The following AVEN variants were observed in gnomAD, a reference collection of about 807,000 sequenced individuals.
AVEN encodes cell death regulator Aven.
AVEN carries 41 observed loss-of-function variants against 38.1 expected under a neutral mutation model. That is an observed-to-expected ratio of 1.08 (90% CI 0.84 to 1.40). AVEN has a LOEUF of 1.40. Among genes scored for constraint, AVEN ranks in the 40% most tolerant of loss-of-function variants. AVEN has a pLI of 0.00. For missense variants in AVEN, 605 were observed against 438.8 expected (o/e 1.38, Z -3.38); for synonymous variants, 206 against 171.8 (o/e 1.20, Z -1.56).
At chr15:34,041,399 CA>C (rs1237547172), upstream of AVEN, among the ~76,000 whole-genome samples, 1 of 152,138 alleles carries the variant, frequency 6.6e-6, no homozygotes. Flanking sequence ...CTGATTTGGG[CA>C]AATGTCTGGT....
At chr15:33,965,124 T>C (rs1382648802) in intron 2 of AVEN, among the ~76,000 whole-genome samples, 1 of 152,220 alleles carries the variant, frequency 6.6e-6, no homozygotes, top group Non-Finnish European at 1.5e-5. Flanking sequence ...AAGAACCAAG[T>C]GCACTGGTCT....
downstream of AVEN, among the ~76,000 whole-genome samples, chr15:33,861,372 C>G (rs1888139127): frequency 6.6e-6 from 1 of 152,012 alleles, no homozygotes; most frequent in Non-Finnish European, 1.5e-5. Context: ...AATTCCCGCT[C>G]CTAGCAAAAG....
chr15:33,881,682 T>C (rs1891491276), intron 2 of AVEN, among the ~76,000 whole-genome samples: 1 of 152,232 alleles, frequency 6.6e-6, no homozygotes, highest in African/African-American at 2.4e-5. Context: ...ACACACAAAG[T>C]ATGGTGATTC....
At chr15:33,956,707 G>A (rs1894966192) in intron 2 of AVEN, among the ~76,000 whole-genome samples, 1 of 151,190 alleles carries the variant, frequency 6.6e-6, no homozygotes, top group South Asian at 2.1e-4. Context: ...TCTGGATTTT[G>A]TCCAATATTT....
downstream of AVEN, among the ~76,000 whole-genome samples, chr15:33,857,347 C>G (rs1387243162): frequency 6.6e-6 from 1 of 152,082 alleles, no homozygotes; most frequent in Non-Finnish European, 1.5e-5. Context: ...GTGCCTGTGT[C>G]TAGCCTCTCT....
intron 3 of AVEN, chr15:34,066,488 TG>T (rs1900514140): frequency 6.6e-6 from 1 of 152,240 alleles, no homozygotes; most frequent in South Asian, 2.1e-4. Context: ...TGGCCTTTTT[TG>T]TTCATCTTTT....
At chr15:33,907,080 AAAG>A (rs1272993614) in intron 2 of AVEN, among the ~76,000 whole-genome samples, 1 of 152,186 alleles carries the variant, frequency 6.6e-6, no homozygotes, top group Admixed American at 6.6e-5. Flanking sequence ...CCACGAATGA[AAAG>A]AAAAATAATT....
At chr15:34,017,497 T>TTTTTTTTTTTTTTTTTTTTTTTTTTG (rs1555516619) in intron 1 of AVEN, among the ~76,000 whole-genome samples, 1 of 133,364 alleles carries the variant, frequency 7.5e-6, no homozygotes, top group Non-Finnish European at 1.7e-5. Context: ...TTTTTTTTTT[T>TTTTTTTTTTTTTTTTTTTTTTTTTTG]TTTGAGACAG....
intron 1 of AVEN, among the ~76,000 whole-genome samples, chr15:34,032,014 C>T (rs986243718): frequency 2.7e-5 from 3 of 110,996 alleles, no homozygotes; most frequent in Non-Finnish European, 4.3e-5. Flanking sequence ...CACACATACG[C>T]GCGCACACGC....
chr15:33,853,535 C>A, the AVEN span: 1 of 1,611,470 alleles, frequency 6.2e-7, no homozygotes. Context: ...CTGAGCTCAC[C>A]CTGTCATCCT....
At chr15:34,065,914 A>G (rs1415369305) in intron 4 of AVEN, 1 of 152,162 alleles carries the variant, frequency 6.6e-6, no homozygotes, top group Non-Finnish European at 1.5e-5. Flanking sequence ...TTTCAGTCTC[A>G]TTTGCTAAGA....
intron 3 of AVEN, among the ~76,000 whole-genome samples, chr15:33,872,441 C>A (rs778115373): frequency 9.9e-5 from 15 of 152,158 alleles, no homozygotes; most frequent in Admixed American, 4.6e-4. Flanking sequence ...CCATATGAGC[C>A]TGGGGCCCAG....
rs1351910921 is a variant in AVEN at position 34,039,119 on chromosome 15, G to A, written c.-73C>T. On this transcript the variant is annotated 5_prime_UTR_variant, in exon 1 of 6. Coordinates refer to ENST00000306730, the MANE Select transcript of AVEN (RefSeq NM_020371.3). ...GAGACGCCCTGGCCCCACCGGAAGC[G>A]GGCCGCACGGAGGAGCCGCGAGCGA... 1.7e-5 allele frequency: 18 copies of A among 1,049,394 alleles called. No individual in the cohort carries two copies. The highest frequency in any genetic ancestry group is 2.0e-5 in the Non-Finnish European group (17 of 871,442). 65.0% of individuals were successfully genotyped at this position (1,049,394 alleles called of 1,614,324 possible). A position where few individuals can be genotyped will look rare whatever the true frequency, so the allele number is the denominator to read the frequency against.
intron 2 of AVEN, among the ~76,000 whole-genome samples, chr15:33,905,957 G>C (rs1424504295): frequency 6.6e-6 from 1 of 152,124 alleles, no homozygotes; most frequent in Non-Finnish European, 1.5e-5. Flanking sequence ...CTAGGACACT[G>C]TCTTTCTTCT....
At chr15:33,930,447 G>C (rs1419155217) in intron 2 of AVEN, among the ~76,000 whole-genome samples, 1 of 151,994 alleles carries the variant, frequency 6.6e-6, no homozygotes, top group Non-Finnish European at 1.5e-5. Context: ...AAAGAAACAT[G>C]ATACAAAAGA....
At position 34,063,347 on chromosome 15, in the gene AVEN, C is replaced by A. The variant is rs544152056; in HGVS notation, n.1212G>T. ...TCTACATCCCTGTTTCTGTCATGACCATCCTCTACTGTCGAATCTACCGGG... is the reference window on the plus strand; with the variant it reads ...TCTACATCCCTGTTTCTGTCATGACAATCCTCTACTGTCGAATCTACCGGG... On this transcript the variant is annotated non_coding_transcript_exon_variant, in exon 5 of 12. Transcript: ENST00000675287. The surrounding 1 kb of genome is among the most constrained non-coding windows in gnomAD (Gnocchi z 4.1). The A allele has an allele frequency of 4.3e-6, 7 of 1,614,154 alleles. No homozygotes were observed. The South Asian group carries it at 6.6e-5, about 15-fold the overall frequency.
At chr15:34,061,281 A>T (rs1040262438) in intron 5 of AVEN, among the ~76,000 whole-genome samples, 25 of 152,122 alleles carry the variant, frequency 1.6e-4, no homozygotes, top group Admixed American at 1.6e-3. Context: ...CAAAGGGAAA[A>T]TTTCATTTTA....
At chr15:33,962,919 C>CAAAAAAAAAAA (rs57807791) in intron 2 of AVEN, among the ~76,000 whole-genome samples, 5 of 81,948 alleles carry the variant, frequency 6.1e-5, no homozygotes, top group African/African-American at 2.7e-4. Flanking sequence ...AACTCGTTCT[C>CAAAAAAAAAAA]AAAAAAAAAA....
intron 4 of AVEN, among the ~76,000 whole-genome samples, chr15:33,869,213 GT>G (rs1416555382): frequency 6.6e-6 from 1 of 152,142 alleles, no homozygotes; most frequent in East Asian, 1.9e-4. Flanking sequence ...GTCTGGCCTT[GT>G]TTTTGTTTGT....
Sources: allele counts gnomAD v4.1 joint callset (sites outside exome capture counted in the v4.1 genomes callset), GRCh38; gene constraint gnomAD v4.1.1; non-coding constraint Gnocchi (gnomAD v3.1); transcripts MANE v1.5; gene names NCBI Gene and HGNC (gene_info 2026-07-23, HGNC 2026-07-21).